The following TALDO1 variants were observed in gnomAD, a reference collection of about 807,000 sequenced individuals.
TALDO1 encodes transaldolase.
A neutral mutation model predicts 38.1 loss-of-function variants in TALDO1; 29 were observed. The observed-to-expected ratio is 0.76, with a 90% CI of 0.57 to 1.04. TALDO1 has a LOEUF of 1.04. Ranked by LOEUF, TALDO1 falls within the 50% of genes least tolerant of loss-of-function variation. The pLI is 0.00. For synonymous variants in TALDO1, 207 were observed against 176.8 expected (o/e 1.17, Z -1.36); for missense variants, 499 against 438.1 (o/e 1.14, Z -1.24).
intron 2 of TALDO1, among the ~76,000 whole-genome samples, chr11:758,010 G>A (rs988372987): frequency 2.0e-4 from 31 of 152,322 alleles, no homozygotes; most frequent in African/African-American, 7.2e-4. Flanking sequence ...TGGGCCAGGC[G>A]TGGTGGCTCA....
At chr11:756,368 C>T (rs761360568) in intron 2 of TALDO1, 17 of 270,772 alleles carry the variant, frequency 6.3e-5, no homozygotes, top group Admixed American at 9.7e-5. Context: ...GACGGAGTCT[C>T]GCTGTGTCAC....
At chr11:747,636 C>T (rs961560513) in intron 1 of TALDO1, 58 bp downstream of exon 1, 5 of 1,419,186 alleles carry the variant, frequency 3.5e-6, no homozygotes, top group Non-Finnish European at 2.9e-6. Context: ...CCCCGGCGCC[C>T]CGATTTCCCC....
intron 3 of TALDO1, 74 bp from the exon 4 acceptor site, chr11:760,048 C>T (rs1314505261): frequency 6.2e-7 from 1 of 1,603,986 alleles, no homozygotes; most frequent in African/African-American, 1.3e-5. Context: ...CAGGCAGACA[C>T]CCGGCCTCCA....
chr11:749,752 T>C (rs1361164639), intron 1 of TALDO1, among the ~76,000 whole-genome samples: 3 of 152,226 alleles, frequency 2.0e-5, no homozygotes, highest in Non-Finnish European at 4.4e-5. Context: ...AAAGCTGACT[T>C]TATCCAGGGG....
At position 756,153 on chromosome 11, in the gene TALDO1, A is replaced by C. The variant is rs1862835367; in HGVS notation, c.221+151A>C. 5.9e-6 allele frequency: 7 copies of C among 1,177,094 alleles called. No homozygotes were observed. In the South Asian group the frequency reaches 9.3e-5, roughly 16 times the overall value. The allele number at this position is 1,177,094 out of a possible 1,614,324, so 72.9% of individuals were successfully genotyped here. ...CTTTTTGCCTATTTTTGTTTATTGA[A>C]GTGTAATCTGCATGAAGTAACCTGC... On this transcript the variant is annotated intron_variant, in intron 2 of 7. Transcript: ENST00000319006.
intron 5 of TALDO1, 21 bp downstream of exon 5, chr11:763,540 A>G (rs1007937495): frequency 1.2e-6 from 2 of 1,613,048 alleles, no homozygotes; most frequent in African/African-American, 2.7e-5. Context: ...CTCTGTGGTA[A>G]TGGGGTAAGG....
chr11:751,708 T>C (rs1262436253), intron 1 of TALDO1, among the ~76,000 whole-genome samples: 1 of 152,074 alleles, frequency 6.6e-6, no homozygotes, highest in Non-Finnish European at 1.5e-5. Context: ...GGCGAGATAA[T>C]TGCTTGAACC....
At chr11:758,446 G>C (rs10902219) in intron 2 of TALDO1, among the ~76,000 whole-genome samples, 4 of 150,174 alleles carry the variant, frequency 2.7e-5, no homozygotes, top group Non-Finnish European at 5.9e-5. Flanking sequence ...TGTCTTGGGG[G>C]AAAAAAAAAA....
At chr11:758,153 G>A (rs1425223772) in intron 2 of TALDO1, among the ~76,000 whole-genome samples, 16 of 152,164 alleles carry the variant, frequency 1.1e-4, no homozygotes, top group Admixed American at 8.5e-4. Flanking sequence ...GCACAGTGGC[G>A]GGCGCCTGTA....
intron 5 of TALDO1, 31 bp downstream of exon 5, chr11:763,550 G>C: frequency 6.2e-7 from 1 of 1,613,100 alleles, no homozygotes; most frequent in Non-Finnish European, 8.5e-7. Flanking sequence ...ATGGGGTAAG[G>C]GGAGCAGCCT....
intron 2 of TALDO1, among the ~76,000 whole-genome samples, chr11:757,736 A>G (rs886960819): frequency 6.6e-6 from 1 of 152,240 alleles, no homozygotes; most frequent in Non-Finnish European, 1.5e-5. Flanking sequence ...AGAAAATATA[A>G]TATTTTGCAA....
chr11:758,147 A>C (rs1590069630), intron 2 of TALDO1, among the ~76,000 whole-genome samples: 1 of 152,270 alleles, frequency 6.6e-6, no homozygotes, highest in Admixed American at 6.5e-5. Context: ...AGCCGGGCAC[A>C]GTGGCGGGCG....
At position 763,310 on chromosome 11, in the gene TALDO1, ACCTGCCCCGCCCTC is replaced by A; in HGVS notation, c.462-33_462-20del. ...CCCGCCCTCACCTGTCCCCGCCCTC[ACCTGCCCCGCCCTC>A]ACCTGTCCCCGCCCCGCAGGGAGCT... On this transcript the variant is annotated intron_variant, in intron 4 of 7. Coordinates refer to ENST00000319006, the MANE Select transcript of TALDO1 (RefSeq NM_006755.2). The A allele has an allele frequency of 3.1e-6, 2 of 653,732 alleles. No individual in the cohort carries two copies. The highest frequency in any genetic ancestry group is 1.8e-5 in the South Asian group (1 of 54,700). The allele number at this position is 653,732 out of a possible 1,614,324, so 40.5% of individuals were successfully genotyped here.
In TALDO1 at chr11:764,446, T is replaced by A. The variant is rs753701560; in HGVS notation, c.981+13T>A. The A allele has an allele frequency of 6.2e-7, 1 of 1,609,002 alleles. No individual in the cohort carries two copies. The highest frequency in any genetic ancestry group is 1.7e-5 in the Admixed American group (1 of 59,300). On this transcript the variant is annotated intron_variant, in intron 7 of 7. Coordinates refer to ENST00000319006, the MANE Select transcript of TALDO1 (RefSeq NM_006755.2). ...GCGGATGCTGACAGTGAGTGTTGTG[T>A]GTGGGTACCTACATATGCCAAGCCC...
chr11:760,692 G>A (rs893461119), intron 4 of TALDO1: 22 of 209,660 alleles, frequency 1.0e-4, no homozygotes, highest in Admixed American at 1.6e-4. Flanking sequence ...AGGATCACTT[G>A]AGCCCAGGAG....
chr11:764,684 T>C (rs1240922055), intron 7 of TALDO1, 129 bp from the exon 8 acceptor site: 9 of 1,468,454 alleles, frequency 6.1e-6, no homozygotes, highest in Non-Finnish European at 3.8e-6. Flanking sequence ...TTGGCCACCC[T>C]GTGGCCGTGG....
In TALDO1 at chr11:764,257, C is replaced by G. The variant is rs530964036; in HGVS notation, c.836-31C>G. On this transcript the variant is annotated intron_variant, in intron 6 of 7. Transcript: ENST00000319006. ...GGCCAAGGTGGGCAGGGACATGGAG[C>G]AGGCATGGAAGGCTGGTTCTTGTCC... 186 of 1,613,960 alleles carry G rather than the reference C, an allele frequency of 1.2e-4. 1 individual carries two copies. In the South Asian group the frequency reaches 2.0e-3, roughly 17 times the overall value.
At position 759,580 on chromosome 11, in the gene TALDO1, T is replaced by A. The variant is rs565443768; in HGVS notation, c.329+523T>A. On this transcript the variant is annotated intron_variant, in intron 3 of 7. Transcript: ENST00000319006. ...CGGCTGCTAGTGTTTTTTGTTTTGA[T>A]TTGTTTTGTTTGTTTTTTGAGACAG... 5.9e-5 allele frequency among the ~76,000 whole-genome samples: 9 copies of A among 151,628 alleles called. No homozygotes were observed. In the South Asian group the frequency reaches 8.3e-4, roughly 14 times the overall value.
chr11:760,736 T>C (rs1862912880), intron 4 of TALDO1: 1 of 175,864 alleles, frequency 5.7e-6, no homozygotes, highest in Non-Finnish European at 1.2e-5. Context: ...AGTGAAACCT[T>C]GTCTCTACAA....
Sources: allele counts gnomAD v4.1 joint callset (sites outside exome capture counted in the v4.1 genomes callset), GRCh38; gene constraint gnomAD v4.1.1; transcripts MANE v1.5; gene names NCBI Gene and HGNC (gene_info 2026-07-23, HGNC 2026-07-21).